The following KHDC4 variants were observed in gnomAD, a reference collection of about 807,000 sequenced individuals.
KHDC4 encodes KH homology domain-containing protein 4.
A neutral mutation model predicts 74.5 loss-of-function variants in KHDC4; 19 were observed. That is an observed-to-expected ratio of 0.26 (90% CI 0.18 to 0.37). The LOEUF (loss-of-function observed/expected upper bound fraction) is 0.37. Ranked by LOEUF, KHDC4 falls within the 10% of genes least tolerant of loss-of-function variation. KHDC4 has a pLI of 1.00. For synonymous variants in KHDC4, 253 were observed against 266.1 expected (o/e 0.95, Z 0.48); for missense variants, 632 against 754.1 (o/e 0.84, Z 1.90).
rs1290387347 is a variant in KHDC4, at chr1:155,926,851, A to G, written c.518-12T>C. On this transcript the variant is annotated splice_polypyrimidine_tract_variant and intron_variant, in intron 5 of 13. Coordinates refer to ENST00000368321, the MANE Select transcript of KHDC4 (RefSeq NM_014949.4). ...CCGGTTTACAGCTCCTTAGAAAAAC[A>G]CAGACAGTAAAACTGAATGGAATGA... 6.2e-7 allele frequency: 1 copy of G among 1,614,004 alleles called. No homozygotes were observed. Among genetic ancestry groups the G allele is most frequent in the Non-Finnish European group, 8.5e-7 (1 of 1,179,922 alleles).
intron 4 of KHDC4, among the ~76,000 whole-genome samples, chr1:155,927,760 G>A (rs1442821954): frequency 7.9e-6 from 1 of 126,558 alleles, no homozygotes; most frequent in Admixed American, 1.0e-4. Context: ...CCAAGATCAT[G>A]CCATTGCACA....
Position 155,921,359 on chromosome 1 carries a change from T to C in KHDC4, c.1266+16A>G. 6.2e-7 allele frequency: 1 copy of C among 1,612,334 alleles called. No individual in the cohort carries two copies. Among genetic ancestry groups the C allele is most frequent in the South Asian group, 1.1e-5 (1 of 91,038 alleles). On this transcript the variant is annotated intron_variant, in intron 10 of 13. Coordinates refer to ENST00000368321, the MANE Select transcript of KHDC4 (RefSeq NM_014949.4). ...CTAAATTCAGTAATATGTTGTTGCATATCCTGACATCCTACCTGTCCAGTG... is the reference window on the plus strand; with the variant it reads ...CTAAATTCAGTAATATGTTGTTGCACATCCTGACATCCTACCTGTCCAGTG...
At position 155,919,834 on chromosome 1, in the gene KHDC4, AAAAT is replaced by A. The variant is rs539911752; in HGVS notation, c.1266+1537_1266+1540del. On this transcript the variant is annotated intron_variant, in intron 10 of 13. Transcript: ENST00000368321. ...TCAAAAAATAATAATAAACAAAAAT[AAAAT>A]AAATAAATAAAATAAAATAAATTTG... 8.4e-3 allele frequency: 1,493 copies of A among 176,764 alleles called. 14 individuals carry two copies. Among genetic ancestry groups the A allele is most frequent in the Non-Finnish European group, 0.012 (1,020 of 84,582 alleles). The allele number at this position is 176,764 out of a possible 1,614,324, so 10.9% of individuals were successfully genotyped here.
intron 4 of KHDC4, among the ~76,000 whole-genome samples, chr1:155,928,192 C>G (rs1340391607): frequency 2.0e-5 from 3 of 151,890 alleles, no homozygotes; most frequent in African/African-American, 7.3e-5. Context: ...TGTCCAACAT[C>G]GTGAAACCCC....
At position 155,934,384 on chromosome 1, in the gene KHDC4, T is replaced by C. The variant is rs1389044501; in HGVS notation, c.-11A>G. Reference sequence around the variant, plus strand: ...GCTCCCCGCGGACATGGCGACCGCTTCTACTCAACCACCCGCCAACTATCC... The same window carrying C: ...GCTCCCCGCGGACATGGCGACCGCTCCTACTCAACCACCCGCCAACTATCC... On this transcript the variant is annotated 5_prime_UTR_variant, in exon 1 of 14. Coordinates refer to ENST00000368321, the MANE Select transcript of KHDC4 (RefSeq NM_014949.4). 1.2e-6 allele frequency: 2 copies of C among 1,612,176 alleles called. No individual in the cohort carries two copies. The highest frequency in any genetic ancestry group is 1.1e-5 in the South Asian group (1 of 91,040).
At chr1:155,925,187 C>T (rs994192288) in intron 7 of KHDC4, among the ~76,000 whole-genome samples, 29 of 152,128 alleles carry the variant, frequency 1.9e-4, no homozygotes, top group Non-Finnish European at 3.4e-4. Flanking sequence ...CCACCACACC[C>T]GGCTAATTTT....
chr1:155,915,848 G>C (rs372323323), intron 13 of KHDC4, 25 bp downstream of exon 13: 15 of 1,456,570 alleles, frequency 1.0e-5, no homozygotes, highest in Non-Finnish European at 1.2e-5. Context: ...CCACTCCCCT[G>C]TTCCCCCAGC....
chr1:155,914,129 C>A lies in KHDC4; in HGVS notation c.1837G>T (p.Ala613Ser), dbSNP rs1557964825. 2 of 1,613,568 alleles carry A rather than the reference C, an allele frequency of 1.2e-6. No individual in the cohort carries two copies. Among genetic ancestry groups the A allele is most frequent in the Non-Finnish European group, 8.5e-7 (1 of 1,179,566 alleles). Residue 613 changes from alanine (A) to serine (S), a missense_variant, in exon 14 of 14, where the codon GCT (alanine) becomes TCT (serine). Ala to Ser is a moderately conservative substitution (Grantham distance 99, BLOSUM62 1). Transcript: ENST00000368321. Reference protein sequence around the residue: ...RAKQQMPFWMAP With the variant: ...RAKQQMPFWMSP ...CTCTGTTCCACTGTTTCCTAGGGAGCCATCCAGAATGGCATCTGTTGTTTA... is the reference window on the plus strand; with the variant it reads ...CTCTGTTCCACTGTTTCCTAGGGAGACATCCAGAATGGCATCTGTTGTTTA...
chr1:155,917,776 A>AT, intron 10 of KHDC4, 104 bp from the exon 11 acceptor site: 5 of 1,007,936 alleles, frequency 5.0e-6, no homozygotes, highest in Non-Finnish European at 7.1e-6. Context: ...TATCATATGA[A>AT]TTTTGCATCT....
At chr1:155,916,482 C>T (rs1673733130) in intron 12 of KHDC4, 143 bp downstream of exon 12, 1 of 646,800 alleles carries the variant, frequency 1.5e-6, no homozygotes, top group Non-Finnish European at 2.7e-6. Flanking sequence ...TTCATTGCAT[C>T]AATTACAACA....
intron 6 of KHDC4, 27 bp downstream of exon 6, chr1:155,926,649 T>A: frequency 1.2e-6 from 2 of 1,609,702 alleles, no homozygotes; most frequent in Non-Finnish European, 1.7e-6. Flanking sequence ...ATGATAATGC[T>A]ATTAACGATC....
At chr1:155,925,951 T>C (rs755529903) in intron 6 of KHDC4, 108 bp from the exon 7 acceptor site, 1 of 968,250 alleles carries the variant, frequency 1.0e-6, no homozygotes, top group Admixed American at 1.7e-5. Flanking sequence ...CCTGTAAAAC[T>C]GGGGTAGAGT....
At chr1:155,922,068 T>TA in intron 8 of KHDC4, 150 bp from the exon 9 acceptor site, 1 of 234,736 alleles carries the variant, frequency 4.3e-6, no homozygotes, top group Non-Finnish European at 7.4e-6. Context: ...TAACCCACAT[T>TA]TTTTTTTTTT....
chr1:155,918,985 T>TG (rs1673794130), intron 10 of KHDC4, among the ~76,000 whole-genome samples: 1 of 150,504 alleles, frequency 6.6e-6, no homozygotes, highest in South Asian at 2.1e-4. Context: ...TTTTTTTTTT[T>TG]TTTTTTTGAG....
In KHDC4 at chr1:155,927,116, C is replaced by G. The variant is rs1242704487; in HGVS notation, c.505G>C (p.Glu169Gln). Residue 169 changes from glutamate (E) to glutamine (Q), a missense_variant, in exon 5 of 14, where the codon GAA (glutamate) becomes CAA (glutamine). Glu to Gln is a conservative substitution (Grantham distance 29). Transcript: ENST00000368321. ...AAACATTACTTACTGTCCACTAATT[C>G]CCGTGTCTGGCCCTGAACATGAAGA... The part of the protein sequence containing the change: ...LYLHVQGQTR[E>Q]LVDRAVNRIK... The G allele has an allele frequency of 1.2e-6, 2 of 1,613,910 alleles. No individual in the cohort carries two copies. Among genetic ancestry groups the G allele is most frequent in the Non-Finnish European group, 1.7e-6 (2 of 1,179,816 alleles).
intron 12 of KHDC4, 97 bp downstream of exon 12, chr1:155,916,528 G>T: frequency 1.2e-6 from 1 of 803,274 alleles, no homozygotes; most frequent in Non-Finnish European, 2.0e-6. Flanking sequence ...TTTCATTTCA[G>T]TTTCAGAATA....
At chr1:155,931,849 C>T (rs1674147453) in intron 2 of KHDC4, among the ~76,000 whole-genome samples, 1 of 152,204 alleles carries the variant, frequency 6.6e-6, no homozygotes, top group Non-Finnish European at 1.5e-5. Context: ...CTTTATTTAA[C>T]CCCTTATAGT....
chr1:155,928,263 A>G (rs1287410050), intron 4 of KHDC4, among the ~76,000 whole-genome samples: 1 of 151,546 alleles, frequency 6.6e-6, no homozygotes, highest in Non-Finnish European at 1.5e-5. Context: ...AATCCCAGCT[A>G]CTCGGGAGGG....
intron 2 of KHDC4, chr1:155,932,576 T>C (rs1674163108): frequency 6.6e-6 from 1 of 152,138 alleles, no homozygotes; most frequent in Non-Finnish European, 1.5e-5. Flanking sequence ...GTATTAAAAA[T>C]CTTAATATAC....
Sources: gnomAD v4.1 joint callset for allele counts (sites outside exome capture counted in the v4.1 genomes callset) on GRCh38, gnomAD v4.1.1 for gene constraint, MANE v1.5 for transcripts, NCBI Gene and HGNC (gene_info 2026-07-23, HGNC 2026-07-21) for gene names.